Variants in ROBO2 observed in about 807,000 individuals in gnomAD.
The protein encoded by ROBO2 is roundabout guidance receptor 2, also known as roundabout homolog 2.
A neutral mutation model predicts 160.8 loss-of-function variants in ROBO2; 53 were observed. That is an observed-to-expected ratio of 0.33 (90% CI 0.26 to 0.41). The LOEUF is 0.41. Among genes scored for constraint, ROBO2 ranks in the 10% least tolerant of loss-of-function variants. ROBO2 has a pLI of 1.00. For missense variants in ROBO2, 1,577 were observed against 1,722.4 expected (o/e 0.92, Z 1.49); for synonymous variants, 664 against 611.7 (o/e 1.09, Z -1.26).
At chr3:77,458,367 T>A (rs2081902170) in intron 2 of ROBO2, among the ~76,000 whole-genome samples, 1 of 152,218 alleles carries the variant, frequency 6.6e-6, no homozygotes, top group African/African-American at 2.4e-5. Flanking sequence ...TTGAATGTTT[T>A]AATAACGGTG....
At chr3:76,400,560 T>C (rs941950780) in intron 2 of ROBO2, among the ~76,000 whole-genome samples, 1 of 151,586 alleles carries the variant, frequency 6.6e-6, no homozygotes, top group Non-Finnish European at 1.5e-5. Context: ...ATGTTTATAT[T>C]TTTGCTTTAA....
chr3:76,394,743 C>A (rs6782868), intron 2 of ROBO2, among the ~76,000 whole-genome samples: 1 of 151,760 alleles, frequency 6.6e-6, no homozygotes, highest in Admixed American at 6.6e-5. Flanking sequence ...CATTACATAA[C>A]GGTAAAGGGA....
At chr3:76,314,630 G>A (rs1198770921) in intron 2 of ROBO2, among the ~76,000 whole-genome samples, 1 of 151,860 alleles carries the variant, frequency 6.6e-6, no homozygotes, top group Admixed American at 6.6e-5. Context: ...ATTTTATGAT[G>A]CTCCACTTTC....
intron 4 of ROBO2, among the ~76,000 whole-genome samples, chr3:77,490,559 C>A (rs1188235574): frequency 6.6e-6 from 1 of 152,018 alleles, no homozygotes; most frequent in Admixed American, 6.6e-5. Flanking sequence ...ATATAAGTAA[C>A]CTCCTTTATC....
intron 2 of ROBO2, among the ~76,000 whole-genome samples, chr3:76,240,836 T>C (rs1705241123): frequency 6.6e-6 from 1 of 152,202 alleles, no homozygotes; most frequent in Admixed American, 6.5e-5. Context: ...GCTGCACTCA[T>C]AGAGACTACA....
intron 2 of ROBO2, among the ~76,000 whole-genome samples, chr3:76,857,864 C>G (rs1278819515): frequency 6.6e-6 from 1 of 152,144 alleles, no homozygotes; most frequent in Non-Finnish European, 1.5e-5. Context: ...ACCTCTTTAG[C>G]TTTATAGCTA....
intron 2 of ROBO2, among the ~76,000 whole-genome samples, chr3:76,292,765 G>A (rs1238594845): frequency 6.6e-6 from 1 of 151,930 alleles, no homozygotes; most frequent in Admixed American, 6.6e-5. Context: ...AGGGCATATT[G>A]TTCTATTGTG....
At position 77,200,292 on chromosome 3, in the gene ROBO2, T is replaced by TAGGG. The variant is rs1361720346; in HGVS notation, c.388+101953_388+101954insGGGA. On this transcript the variant is annotated intron_variant, in intron 2 of 25. Coordinates refer to ENST00000461745, the Ensembl canonical transcript of ROBO2. ...TTATATATATATATATATATATATA[T>TAGGG]ATATATATATATATATATATATATA... is the stretch of plus-strand genomic sequence containing the variant. 4.5e-5 allele frequency among the ~76,000 whole-genome samples: 3 copies of TAGGG among 66,976 alleles called. No individual in the cohort carries two copies. The East Asian group carries it at 1.2e-3, about 27-fold the overall frequency. 43.9% of individuals were successfully genotyped at this position (66,976 alleles called of 152,430 possible). A position where few individuals can be genotyped will look rare whatever the true frequency, so the allele number is the denominator to read the frequency against.
chr3:76,522,258 A>G (rs2081664669), intron 2 of ROBO2, among the ~76,000 whole-genome samples: 1 of 152,130 alleles, frequency 6.6e-6, no homozygotes, highest in South Asian at 2.1e-4. Context: ...AAGTAAATCT[A>G]TTCTCTACAA....
At chr3:76,530,580 G>A (rs994188147) in intron 2 of ROBO2, among the ~76,000 whole-genome samples, 2 of 152,030 alleles carry the variant, frequency 1.3e-5, no homozygotes, top group Admixed American at 6.6e-5. Context: ...CAAAAACCCC[G>A]TCTCGTCTCA....
At chr3:77,296,123 A>G (rs115321384) in intron 2 of ROBO2, among the ~76,000 whole-genome samples, 5,522 of 151,430 alleles carry the variant, frequency 0.036, 337 homozygotes, top group African/African-American at 0.13. Flanking sequence ...GGCTGAGTCT[A>G]GATCACCCCA....
Position 76,471,760 on chromosome 3 carries a change from A to C in ROBO2, c.109+534158A>C, listed in dbSNP as rs534197180. ...AAAGGAAAAGGTTTAATTGACTCAC[A>C]GTTCTGCAGGCTGGGAAGGCCTCAG... On this transcript the variant is annotated intron_variant, in intron 2 of 26. Transcript: ENST00000487694. 5.9e-5 allele frequency among the ~76,000 whole-genome samples: 9 copies of C among 152,252 alleles called. No individual in the cohort carries two copies. In the South Asian group the frequency reaches 1.9e-3, roughly 32 times the overall value.
intron 2 of ROBO2, among the ~76,000 whole-genome samples, chr3:76,802,158 C>G (rs1256036371): frequency 6.6e-6 from 1 of 152,148 alleles, no homozygotes; most frequent in African/African-American, 2.4e-5. Flanking sequence ...CACAGAGGTA[C>G]AAAGTGAGCA....
At chr3:76,655,666 A>G (rs1560314873) in intron 2 of ROBO2, among the ~76,000 whole-genome samples, 1 of 148,882 alleles carries the variant, frequency 6.7e-6, no homozygotes, top group Non-Finnish European at 1.5e-5. Flanking sequence ...AGAAGAAAAA[A>G]AAGAAAGAAA....
At chr3:77,535,784 A>G (rs1444063417) in intron 6 of ROBO2, among the ~76,000 whole-genome samples, 1 of 152,174 alleles carries the variant, frequency 6.6e-6, no homozygotes, top group African/African-American at 2.4e-5. Context: ...AGATTTTCCT[A>G]GGGATCTCTC....
intron 2 of ROBO2, among the ~76,000 whole-genome samples, chr3:76,125,764 A>G (rs1198120853): frequency 6.6e-6 from 1 of 152,134 alleles, no homozygotes; most frequent in Non-Finnish European, 1.5e-5. Flanking sequence ...TTAGGTGTTC[A>G]ATTAAACTAA....
rs1308438633 is a variant in ROBO2 at position 75,948,419 on chromosome 3, A to T, written c.109+10817A>T. On this transcript the variant is annotated intron_variant, in intron 2 of 26. Transcript: ENST00000487694. ...TAATGAAATACTTTTCTGATAACTT[A>T]ATTTTTTTATTGCTTCATTATTTAT... 2.0e-5 allele frequency among the ~76,000 whole-genome samples: 3 copies of T among 152,202 alleles called. No homozygotes were observed. In the East Asian group the frequency reaches 5.8e-4, roughly 29 times the overall value.
chr3:76,874,470 G>C (rs1258529891), intron 2 of ROBO2, among the ~76,000 whole-genome samples: 1 of 152,084 alleles, frequency 6.6e-6, no homozygotes, highest in Admixed American at 6.6e-5. Flanking sequence ...GAGCTGACAT[G>C]GTTTTGTTTT....
intron 2 of ROBO2, among the ~76,000 whole-genome samples, chr3:76,458,308 G>A (rs2077890468): frequency 6.6e-6 from 1 of 152,058 alleles, no homozygotes; most frequent in Non-Finnish European, 1.5e-5. Context: ...CCCACAATCT[G>A]TAGGGCACGG....
Sources: gnomAD v4.1 joint callset for allele counts (sites outside exome capture counted in the v4.1 genomes callset) on GRCh38, gnomAD v4.1.1 for gene constraint, MANE v1.5 for transcripts, NCBI Gene and HGNC (gene_info 2026-07-23, HGNC 2026-07-21) for gene names.